Variants in ATF6 observed in about 807,000 individuals in gnomAD.
ATF6 encodes the protein activating transcription factor 6.
A neutral mutation model predicts 83.6 loss-of-function variants in ATF6; 53 were observed. The ratio of observed to expected loss-of-function variants is 0.63; its 90% CI spans 0.51 to 0.80. The LOEUF (loss-of-function observed/expected upper bound fraction) is 0.80. Among genes scored for constraint, ATF6 ranks in the 30% least tolerant of loss-of-function variants. The pLI is 0.00. For synonymous variants in ATF6, 288 were observed against 285.8 expected, an observed-to-expected ratio of 1.01 and a Z score of -0.08; for missense variants, 744 against 797.9, an observed-to-expected ratio of 0.93 and a Z score of 0.81.
chr1:161,896,018 AT>A (rs1269931763), intron 14 of ATF6, among the ~76,000 whole-genome samples: 1 of 152,368 alleles, frequency 6.6e-6, no homozygotes, highest in East Asian at 1.9e-4. Flanking sequence ...TGTTCTCTGC[AT>A]TAGAAAACTA....
chr1:161,819,704 G>A lies in ATF6; in HGVS notation c.981G>A (p.Lys327=). The A allele has an allele frequency of 6.2e-7, 1 of 1,613,004 alleles. No homozygotes were observed. The highest frequency in any genetic ancestry group is 8.5e-7 in the Non-Finnish European group (1 of 1,179,546). The stretch of plus-strand genomic sequence containing the variant: ...CCGCTTGTCAGTCTCGCAAGAAGAA[G>A]AAAGAATATATGCTAGGGTTAGAGG... ...RESACQSRKK[K]KEYMLGLEAR... Residue 327 remains lysine (K), a synonymous_variant, in exon 8 of 16, where the codon AAG becomes AAA. Coordinates refer to ENST00000367942, the MANE Select transcript of ATF6 (RefSeq NM_007348.4).
chr1:161,846,809 TCA>T (rs937614839), intron 10 of ATF6, among the ~76,000 whole-genome samples: 1 of 152,046 alleles, frequency 6.6e-6, no homozygotes, highest in African/African-American at 2.4e-5. Context: ...TCTTAAAATC[TCA>T]GTTTGTGTGC....
At chr1:161,905,765 T>C (rs1337406122) in intron 14 of ATF6, among the ~76,000 whole-genome samples, 1 of 152,218 alleles carries the variant, frequency 6.6e-6, no homozygotes, top group African/African-American at 2.4e-5. Flanking sequence ...AAAGGCTCTC[T>C]ATTATAGCTA....
chr1:161,908,593 A>G (rs1177091088), intron 14 of ATF6, among the ~76,000 whole-genome samples: 1 of 147,958 alleles, frequency 6.8e-6, no homozygotes, highest in African/African-American at 2.5e-5. Flanking sequence ...TGATTATAAT[A>G]TTTGTCCACA....
chr1:161,894,329 T>C (rs1687623628), intron 14 of ATF6, among the ~76,000 whole-genome samples: 1 of 151,596 alleles, frequency 6.6e-6, no homozygotes. Context: ...CACTAAAATT[T>C]GATTGGAAGT....
intron 14 of ATF6, among the ~76,000 whole-genome samples, chr1:161,867,791 A>C (rs778114794): frequency 6.6e-6 from 1 of 152,244 alleles, no homozygotes; most frequent in Admixed American, 6.5e-5. Flanking sequence ...AAATACATAC[A>C]TAATATTACA....
intron 7 of ATF6, among the ~76,000 whole-genome samples, chr1:161,807,863 A>ATTTTTTTTTTTTTTTTTTTTTTT (rs1557971141): frequency 3.7e-5 from 2 of 54,786 alleles, no homozygotes; most frequent in African/African-American, 8.2e-5. Context: ...TTAGTTTGTC[A>ATTTTTTTTTTTTTTTTTTTTTTT]TCTTTTTTTT....
At chr1:161,934,389 A>T (rs1192357573) in intron 15 of ATF6, among the ~76,000 whole-genome samples, 1 of 152,210 alleles carries the variant, frequency 6.6e-6, no homozygotes, top group Non-Finnish European at 1.5e-5. Context: ...GGGCTCTGCA[A>T]GAGGAAGGAG....
At chr1:161,788,305 G>A (rs1017453148) in intron 4 of ATF6, among the ~76,000 whole-genome samples, 4 of 151,994 alleles carry the variant, frequency 2.6e-5, no homozygotes, top group Non-Finnish European at 5.9e-5. Flanking sequence ...TATTTCTTTG[G>A]TTATTGTTTT....
intron 9 of ATF6, among the ~76,000 whole-genome samples, chr1:161,839,134 G>C (rs1238951874): frequency 6.6e-6 from 1 of 151,994 alleles, no homozygotes; most frequent in Non-Finnish European, 1.5e-5. Context: ...ATCTTGACAA[G>C]AGGCAGATGG....
intron 9 of ATF6, among the ~76,000 whole-genome samples, chr1:161,831,014 C>G (rs1277931282): frequency 6.6e-6 from 1 of 152,130 alleles, no homozygotes; most frequent in Non-Finnish European, 1.5e-5. Context: ...AACAGGCAAC[C>G]TACAGAATGG....
chr1:161,922,788 A>C (rs1464327867), intron 15 of ATF6, among the ~76,000 whole-genome samples: 1 of 152,086 alleles, frequency 6.6e-6, no homozygotes, highest in Non-Finnish European at 1.5e-5. Context: ...AGTAGGACCC[A>C]GTAGGGAGAG....
chr1:161,944,175 G>A (rs183276418), intron 15 of ATF6, among the ~76,000 whole-genome samples: 131 of 152,286 alleles, frequency 8.6e-4, no homozygotes, highest in African/African-American at 3.0e-3. Context: ...AAAGTTGTAA[G>A]TTAAGTTCTG....
intron 14 of ATF6, among the ~76,000 whole-genome samples, chr1:161,864,507 T>C (rs1686950131): frequency 6.6e-6 from 1 of 152,226 alleles, no homozygotes; most frequent in Admixed American, 6.5e-5. Context: ...CTCAGTTAAC[T>C]AGTTAATTCT....
chr1:161,937,483 CTAATG>C (rs1016179623), intron 15 of ATF6, among the ~76,000 whole-genome samples: 1 of 151,764 alleles, frequency 6.6e-6, no homozygotes, highest in African/African-American at 2.4e-5. Flanking sequence ...AATCTCTTCA[CTAATG>C]TAATGATATG....
At chr1:161,923,145 C>T (rs1571239738) in intron 15 of ATF6, among the ~76,000 whole-genome samples, 1 of 152,144 alleles carries the variant, frequency 6.6e-6, no homozygotes, top group South Asian at 2.1e-4. Context: ...CTCCACTGAA[C>T]CTCCTTAATG....
chr1:161,835,202 A>G (rs1367377903), intron 9 of ATF6, among the ~76,000 whole-genome samples: 2 of 152,138 alleles, frequency 1.3e-5, no homozygotes, highest in African/African-American at 2.4e-5. Context: ...CTAGATACAC[A>G]CCACCGTACC....
At chr1:161,780,376 T>C (rs1684605933) in intron 2 of ATF6, among the ~76,000 whole-genome samples, 1 of 151,846 alleles carries the variant, frequency 6.6e-6, no homozygotes, top group Non-Finnish European at 1.5e-5. Flanking sequence ...TTTATTTTTA[T>C]TTTTATTTTT....
chr1:161,826,289 A>AT (rs1340432207), intron 9 of ATF6, among the ~76,000 whole-genome samples: 4 of 152,156 alleles, frequency 2.6e-5, no homozygotes, highest in African/African-American at 9.7e-5. Context: ...AACAAAAAAA[A>AT]TTTTTTGAGT....
Sources: allele counts gnomAD v4.1 joint callset (sites outside exome capture counted in the v4.1 genomes callset), GRCh38; gene constraint gnomAD v4.1.1; transcripts MANE v1.5; gene names NCBI Gene and HGNC (gene_info 2026-07-23, HGNC 2026-07-21).